The following ALDH6A1 variants were observed in gnomAD, a reference collection of about 807,000 sequenced individuals.
The protein encoded by ALDH6A1 is methylmalonate-semialdehyde/malonate-semialdehyde dehydrogenase [acylating], mitochondrial.
In ALDH6A1, 43 loss-of-function variants were observed where a neutral mutation model predicts 62.6. The ratio of observed to expected loss-of-function variants is 0.69; its 90% CI spans 0.54 to 0.89. ALDH6A1 has a LOEUF of 0.89. Among genes scored for constraint, ALDH6A1 ranks in the 40% least tolerant of loss-of-function variants. The pLI is 0.00. For synonymous variants in ALDH6A1, 194 were observed against 234.2 expected, an observed-to-expected ratio of 0.83 and a Z score of 1.57; for missense variants, 551 against 661.3, an observed-to-expected ratio of 0.83 and a Z score of 1.83.
intron 11 of ALDH6A1, 125 bp downstream of exon 11, chr14:74,064,697 T>A (rs771375490): frequency 6.2e-7 from 1 of 1,614,166 alleles, no homozygotes; most frequent in East Asian, 2.2e-5. Context: ...GGGAACCTTC[T>A]GAGAAGCACT....
In ALDH6A1 at chr14:74,071,989, C is replaced by T. The variant is rs1426380373; in HGVS notation, c.349-15G>A. ...GCAATTTCTTTCTAGAGAGAAGACA[C>T]ACAAATAGAAATTAATGCAAGAATG... is the stretch of plus-strand genomic sequence containing the variant. On this transcript the variant is annotated splice_polypyrimidine_tract_variant and intron_variant, in intron 4 of 11. Transcript: ENST00000553458. 3.7e-6 allele frequency: 6 copies of T among 1,611,584 alleles called. No individual in the cohort carries two copies. Among genetic ancestry groups the T allele is most frequent in the Non-Finnish European group, 5.1e-6 (6 of 1,177,794 alleles).
intron 1 of ALDH6A1, among the ~76,000 whole-genome samples, chr14:74,081,812 T>C (rs952887115): frequency 5.9e-5 from 9 of 152,318 alleles, no homozygotes; most frequent in Admixed American, 2.6e-4. Context: ...GTGCCTAACA[T>C]AGAAAGAGAT....
intron 2 of ALDH6A1, among the ~76,000 whole-genome samples, chr14:74,074,548 G>A (rs1167422299): frequency 2.6e-5 from 4 of 152,148 alleles, no homozygotes; most frequent in Non-Finnish European, 5.9e-5. Context: ...GCCTCCCAAA[G>A]TGCTGGGACA....
intron 8 of ALDH6A1, 67 bp downstream of exon 8, chr14:74,067,313 T>C: frequency 6.3e-7 from 1 of 1,578,548 alleles, no homozygotes; most frequent in Non-Finnish European, 8.7e-7. Flanking sequence ...CCAAGGCCAG[T>C]GACAGAACCC....
At chr14:74,071,651 A>G in intron 5 of ALDH6A1, 154 bp from the exon 6 acceptor site, 1 of 1,538,618 alleles carries the variant, frequency 6.5e-7, no homozygotes, top group Middle Eastern at 2.3e-4. Context: ...TTTGTGCAAA[A>G]TGAGATTCTC....
chr14:74,082,389 C>T lies in ALDH6A1; in HGVS notation c.48+1958G>A, dbSNP rs1322489202. 1.6e-4 allele frequency among the ~76,000 whole-genome samples: 22 copies of T among 135,326 alleles called. 1 individual carries two copies. Among genetic ancestry groups the T allele is most frequent in the Non-Finnish European group, 6.1e-5 (4 of 65,064 alleles). 88.8% of individuals were successfully genotyped at this position (135,326 alleles called of 152,430 possible). On this transcript the variant is annotated intron_variant, in intron 1 of 11. Transcript: ENST00000553458. ...CTCTAATATTCATGGCTGCCAAAAT[C>T]GAGGTTTTTTTTTTTTTTTTTTTTT...
At chr14:74,066,134 T>G (rs778996726) in intron 9 of ALDH6A1, 18 of 155,764 alleles carry the variant, frequency 1.2e-4, no homozygotes, top group Non-Finnish European at 2.3e-4. Flanking sequence ...GGTTGATATA[T>G]TGATTGAGAC....
intron 1 of ALDH6A1, among the ~76,000 whole-genome samples, chr14:74,079,409 G>C (rs2060647985): frequency 6.6e-6 from 1 of 150,932 alleles, no homozygotes; most frequent in Non-Finnish European, 1.5e-5. Context: ...ACCACACCCG[G>C]CTAATTTTTT....
intron 1 of ALDH6A1, among the ~76,000 whole-genome samples, chr14:74,077,571 T>C (rs2060625611): frequency 6.6e-6 from 1 of 152,102 alleles, no homozygotes; most frequent in South Asian, 2.1e-4. Flanking sequence ...CCTGGCTTTA[T>C]AGCCCACTCA....
Position 74,057,788 on chromosome 14 carries a change from C to T in ALDH6A1, c.*2854G>A. ...AATACTGACTTTTTAGCCGCGATCA[C>T]ATGAATATAACTGATGAGTTTTTTT... On this transcript the variant is annotated 3_prime_UTR_variant, in exon 12 of 12. Coordinates refer to ENST00000553458, the MANE Select transcript of ALDH6A1 (RefSeq NM_005589.4). 2 of 1,083,468 alleles carry T rather than the reference C, an allele frequency of 1.8e-6. No individual in the cohort carries two copies. Among genetic ancestry groups the T allele is most frequent in the Non-Finnish European group, 2.3e-6 (2 of 887,570 alleles). 67.1% of individuals were successfully genotyped at this position (1,083,468 alleles called of 1,614,324 possible).
chr14:74,075,187 G>T (rs1278464718), intron 1 of ALDH6A1, among the ~76,000 whole-genome samples, 170 bp from the exon 2 acceptor site: 2 of 152,040 alleles, frequency 1.3e-5, no homozygotes, highest in Non-Finnish European at 2.9e-5. Flanking sequence ...AGCAAACTAT[G>T]AACAAACAAT....
chr14:74,065,880 T>C (rs189562775), intron 9 of ALDH6A1: 1 of 162,908 alleles, frequency 6.1e-6, no homozygotes, highest in East Asian at 1.7e-4. Flanking sequence ...TCCTTCACCA[T>C]GCAATTAATG....
intron 9 of ALDH6A1, among the ~76,000 whole-genome samples, chr14:74,066,332 A>G (rs2060464246): frequency 6.6e-6 from 1 of 152,226 alleles, no homozygotes; most frequent in Non-Finnish European, 1.5e-5. Context: ...AAAATTAATC[A>G]TATATAAAAT....
chr14:74,057,217 G>C lies in ALDH6A1; in HGVS notation c.*3425C>G, dbSNP rs2060233226. Reference sequence around the variant, plus strand: ...AATATCAGACTCTTCTGGTGAAGTGGTGCTACCCACTATTCCAAAAGAACC... The same window carrying C: ...AATATCAGACTCTTCTGGTGAAGTGCTGCTACCCACTATTCCAAAAGAACC... On this transcript the variant is annotated 3_prime_UTR_variant, in exon 12 of 12. Transcript: ENST00000553458. 4 of 1,614,064 alleles carry C rather than the reference G, an allele frequency of 2.5e-6. No individual in the cohort carries two copies. The highest frequency in any genetic ancestry group is 2.5e-6 in the Non-Finnish European group (3 of 1,179,970).
chr14:74,078,877 T>C (rs1595134087), intron 1 of ALDH6A1, among the ~76,000 whole-genome samples: 2 of 151,370 alleles, frequency 1.3e-5, no homozygotes, highest in African/African-American at 4.9e-5. Flanking sequence ...GTTGGCCAGG[T>C]TGGTCTCGAA....
At position 74,075,012 on chromosome 14, in the gene ALDH6A1, A is replaced by T; in HGVS notation, c.54T>A (p.Ser18=). The change falls in exon 2 of 12, where the codon TCT becomes TCA. Residue 18 remains serine, a synonymous_variant. Coordinates refer to ENST00000553458, the MANE Select transcript of ALDH6A1 (RefSeq NM_005589.4). ...AAVRARILQV[S]SKVKSSPTWY... ...AGGTGGGACTGGATTTCACCTTGGA[A>T]GAAACCTGTGAGGCAAAAGAACGAT... The T allele has an allele frequency of 6.2e-7, 1 of 1,614,020 alleles. No individual in the cohort carries two copies. Among genetic ancestry groups the T allele is most frequent in the Non-Finnish European group, 8.5e-7 (1 of 1,179,908 alleles).
intron 5 of ALDH6A1, 144 bp from the exon 6 acceptor site, chr14:74,071,641 T>C: frequency 6.5e-7 from 1 of 1,549,454 alleles, no homozygotes; most frequent in Non-Finnish European, 8.7e-7. Context: ...AAGTTAAGGG[T>C]TTGTGCAAAA....
intron 8 of ALDH6A1, 85 bp downstream of exon 8, chr14:74,067,295 C>G (rs2060482156): frequency 6.9e-7 from 1 of 1,439,352 alleles, no homozygotes; most frequent in Admixed American, 1.7e-5. Context: ...CATGATTGTT[C>G]CCACTGGCCA....
rs779619553 is a variant in ALDH6A1, at chr14:74,069,850, CT to C, written c.731-870del. 9.4e-3 allele frequency among the ~76,000 whole-genome samples: 1,146 copies of C among 122,478 alleles called. 6 individuals are homozygous for C. Among genetic ancestry groups the C allele is most frequent in the African/African-American group, 0.031 (947 of 30,238 alleles). The allele number at this position is 122,478 out of a possible 152,430, so 80.4% of individuals were successfully genotyped here. On this transcript the variant is annotated intron_variant, in intron 6 of 11. Coordinates refer to ENST00000553458, the MANE Select transcript of ALDH6A1 (RefSeq NM_005589.4). ...CCAGAATTTCTACTTCTAATCTAAC[CT>C]TTTTTTTTTTTTTTTTTTGAGACAG...
Sources: gnomAD v4.1 joint callset for allele counts (sites outside exome capture counted in the v4.1 genomes callset) on GRCh38, gnomAD v4.1.1 for gene constraint, MANE v1.5 for transcripts, NCBI Gene and HGNC (gene_info 2026-07-23, HGNC 2026-07-21) for gene names.